Variants in SYN2 observed in about 807,000 individuals in gnomAD.
SYN2 encodes the protein synapsin II.
A neutral mutation model predicts 50.9 loss-of-function variants in SYN2; 19 were observed. The observed-to-expected ratio is 0.37, with a 90% confidence interval of 0.26 to 0.55. SYN2 has a LOEUF of 0.55. Ranked by LOEUF, SYN2 falls within the 20% of genes least tolerant of loss-of-function variation. The probability of loss-of-function intolerance (pLI) is 0.81; values close to 1 mark genes in which losing one functional copy is unlikely to be tolerated. For missense variants in SYN2, 587 were observed against 576.4 expected, an observed-to-expected ratio of 1.02 and a Z score of -0.19; for synonymous variants, 255 against 224.9, an observed-to-expected ratio of 1.13 and a Z score of -1.20.
At chr3:12,032,857 G>A (rs1462443767) in intron 1 of SYN2, among the ~76,000 whole-genome samples, 2 of 79,818 alleles carry the variant, frequency 2.5e-5, no homozygotes, top group South Asian at 5.1e-4. Context: ...TAATTTGATC[G>A]TCTGAAGCCT....
intron 1 of SYN2, among the ~76,000 whole-genome samples, chr3:12,123,186 C>T (rs1696598947): frequency 2.0e-5 from 3 of 152,164 alleles, no homozygotes; most frequent in Admixed American, 2.0e-4. Flanking sequence ...AGGCAATATA[C>T]AGAGGTAATA....
At chr3:12,087,299 C>T (rs1382362969) in intron 1 of SYN2, among the ~76,000 whole-genome samples, 5 of 152,082 alleles carry the variant, frequency 3.3e-5, no homozygotes, top group Admixed American at 1.3e-4. Context: ...AAGTGTTCTA[C>T]AGATTCAGTG....
At chr3:12,060,252 G>T (rs1352517060) in intron 1 of SYN2, among the ~76,000 whole-genome samples, 1 of 152,144 alleles carries the variant, frequency 6.6e-6, no homozygotes, top group Non-Finnish European at 1.5e-5. Context: ...AACCCCACAG[G>T]TTTGTACAGT....
intron 1 of SYN2, among the ~76,000 whole-genome samples, chr3:12,087,593 GA>G (rs532281993): frequency 1.1e-4 from 17 of 148,668 alleles, no homozygotes; most frequent in South Asian, 6.4e-4. Flanking sequence ...TACAAAAAAG[GA>G]AAAAAAAAAT....
At chr3:12,046,991 G>C (rs1008517052) in intron 1 of SYN2, among the ~76,000 whole-genome samples, 1 of 152,016 alleles carries the variant, frequency 6.6e-6, no homozygotes, top group African/African-American at 2.4e-5. Flanking sequence ...TGGGTGTATG[G>C]GTTTGAACTT....
At chr3:12,103,083 T>C (rs1232066043) in intron 1 of SYN2, among the ~76,000 whole-genome samples, 3 of 152,166 alleles carry the variant, frequency 2.0e-5, no homozygotes, top group Non-Finnish European at 4.4e-5. Context: ...GGTACTATAA[T>C]TGTCCTCATT....
intron 1 of SYN2, among the ~76,000 whole-genome samples, chr3:12,089,144 G>C (rs774255631): frequency 6.6e-6 from 1 of 152,066 alleles, no homozygotes; most frequent in Non-Finnish European, 1.5e-5. Flanking sequence ...ATACGTATTC[G>C]TCTGTTCTTA....
chr3:12,169,796 G>T lies in SYN2; in HGVS notation c.1198G>T (p.Val400Leu), dbSNP rs373156848. ...CSMPLIGEHQ[V>L]EDRQLITELV... ...CATGCCACTGATTGGGGAACATCAG[G>T]TGGAGGACAGGCAACTCATCACCGA... The change falls in exon 10 of 13, where the codon GTG (valine) becomes TTG (leucine). Residue 400 changes from valine (V) to leucine (L), a missense_variant. Transcript: ENST00000621198. 307 of 1,613,824 alleles carry T rather than the reference G, an allele frequency of 1.9e-4. No individual in the cohort carries two copies. The highest frequency in any genetic ancestry group is 2.5e-4 in the Non-Finnish European group (299 of 1,179,888).
At chr3:12,129,883 G>A (rs554663532) in intron 1 of SYN2, among the ~76,000 whole-genome samples, 3 of 152,204 alleles carry the variant, frequency 2.0e-5, no homozygotes, top group East Asian at 1.9e-4. Flanking sequence ...AGGTGATTAG[G>A]TTGAGATGAG....
chr3:12,148,192 C>A (rs1403469717), intron 4 of SYN2, among the ~76,000 whole-genome samples: 1 of 152,126 alleles, frequency 6.6e-6, no homozygotes, highest in East Asian at 1.9e-4. Context: ...ATGGGGAGAG[C>A]CTGTGGCTAG....
chr3:12,171,986 G>A (rs1043543348), intron 10 of SYN2, among the ~76,000 whole-genome samples: 6 of 152,168 alleles, frequency 3.9e-5, no homozygotes, highest in Non-Finnish European at 8.8e-5. Flanking sequence ...AAAACAGCAA[G>A]GAATAAGCTC....
chr3:12,169,780 G>A lies in SYN2; in HGVS notation c.1182G>A (p.Leu394=), dbSNP rs2125243754. Residue 394 remains leucine, a synonymous_variant, in exon 10 of 13, where the codon CTG becomes CTA. Coordinates refer to ENST00000621198, the MANE Select transcript of SYN2 (RefSeq NM_133625.6). ...AGGTCATGGACTGTAGCATGCCACT[G>A]ATTGGGGAACATCAGGTGGAGGACA... ...IFEVMDCSMP[L]IGEHQVEDRQ... 4 of 1,613,960 alleles carry A rather than the reference G, an allele frequency of 2.5e-6. No homozygotes were observed. Among genetic ancestry groups the A allele is most frequent in the Non-Finnish European group, 3.4e-6 (4 of 1,179,868 alleles).
At chr3:12,180,570 G>C (rs1450978759) in intron 10 of SYN2, among the ~76,000 whole-genome samples, 1 of 152,216 alleles carries the variant, frequency 6.6e-6, no homozygotes, top group Non-Finnish European at 1.5e-5. Context: ...TGTAGGTGGA[G>C]CCAGGGTGTC....
intron 1 of SYN2, among the ~76,000 whole-genome samples, chr3:12,064,688 C>T (rs977101432): frequency 2.0e-5 from 3 of 152,078 alleles, no homozygotes; most frequent in African/African-American, 4.8e-5. Flanking sequence ...TATAACTTTA[C>T]ACTCCATAGG....
At chr3:12,065,161 A>G (rs767543632) in intron 1 of SYN2, among the ~76,000 whole-genome samples, 2 of 152,180 alleles carry the variant, frequency 1.3e-5, no homozygotes, top group African/African-American at 2.4e-5. Context: ...GTACCATCTC[A>G]CACTATTCAG....
intron 1 of SYN2, chr3:12,070,787 A>G: frequency 1.6e-6 from 1 of 636,892 alleles, no homozygotes; most frequent in South Asian, 1.4e-5. Context: ...GCTGGTGGGG[A>G]CCTGACTGAC....
In SYN2 at chr3:12,191,675, G is replaced by A. The variant is rs964281538; in HGVS notation, c.*1050G>A. On this transcript the variant is annotated 3_prime_UTR_variant, in exon 13 of 13. Coordinates refer to ENST00000621198, the MANE Select transcript of SYN2 (RefSeq NM_133625.6). ...CTCCAAGACACCTAGCCTTCCTTCA[G>A]CAACTCAGCGTTTCTACCTATATTA... 6.6e-6 allele frequency among the ~76,000 whole-genome samples: 1 copy of A among 152,144 alleles called. No individual in the cohort carries two copies. Among genetic ancestry groups the A allele is most frequent in the African/African-American group, 2.4e-5 (1 of 41,412 alleles).
Position 12,191,128 on chromosome 3 carries a change from A to G in SYN2, c.*503A>G, listed in dbSNP as rs942360581. On this transcript the variant is annotated 3_prime_UTR_variant, in exon 13 of 13. Coordinates refer to ENST00000621198, the MANE Select transcript of SYN2 (RefSeq NM_133625.6). Reference sequence around the variant, plus strand: ...CTGGATCCCTTGTCATACCTGTGTTACTGTTTAAAGCACACCCACCCAACT... The same window carrying G: ...CTGGATCCCTTGTCATACCTGTGTTGCTGTTTAAAGCACACCCACCCAACT... The G allele has an allele frequency of 3.0e-6, 3 of 986,154 alleles. No individual in the cohort carries two copies. The African/African-American group carries it at 5.2e-5, about 17-fold the overall frequency. The allele number at this position is 986,154 out of a possible 1,614,324, so 61.1% of individuals were successfully genotyped here.
chr3:12,027,776 A>G (rs1694292820), intron 1 of SYN2, among the ~76,000 whole-genome samples: 2 of 152,168 alleles, frequency 1.3e-5, no homozygotes, highest in Admixed American at 1.3e-4. Flanking sequence ...GTTTCTTTCA[A>G]TTCATGCCTC....
Sources: gnomAD v4.1 joint callset for allele counts (sites outside exome capture counted in the v4.1 genomes callset) on GRCh38, gnomAD v4.1.1 for gene constraint, MANE v1.5 for transcripts, NCBI Gene and HGNC (gene_info 2026-07-23, HGNC 2026-07-21) for gene names.